MBD1: variants seen among roughly 807,000 people sequenced by gnomAD.
MBD1 encodes methyl-CpG-binding domain protein 1.
Under a neutral mutation model 82.6 loss-of-function variants are expected in MBD1, and 25 were observed. The observed-to-expected ratio is 0.30, with a 90% CI of 0.22 to 0.42. The LOEUF (loss-of-function observed/expected upper bound fraction) is 0.42, where lower values mean the gene tolerates loss of function less well. Ranked by LOEUF, MBD1 falls within the 10% of genes least tolerant of loss-of-function variation. The probability of loss-of-function intolerance (pLI) is 1.00; values close to 1 mark genes in which losing one functional copy is unlikely to be tolerated. For synonymous variants in MBD1, 301 were observed against 303.7 expected, an observed-to-expected ratio of 0.99 and a Z score of 0.09; for missense variants, 627 against 819.6, an observed-to-expected ratio of 0.76 and a Z score of 2.87.
chr18:50,273,769 C>T lies in MBD1; in HGVS notation c.1241G>A (p.Arg414Gln), dbSNP rs779064515. The T allele has an allele frequency of 1.4e-5, 22 of 1,613,968 alleles. No individual in the cohort carries two copies. The highest frequency in any genetic ancestry group is 8.3e-5 in the Admixed American group (5 of 60,010). ...CTTCAAGGTAGGGCCAAGATGGTGC[C>T]GTCGGGCAGAGCTGGGCCTCTTTCG... ...RRRKRPSSAR[R>Q]HHLGPTLKPT... Residue 414 changes from arginine to glutamine, a missense_variant, in exon 12 of 17, where the codon CGG becomes CAG. Physicochemically the swap from Arg to Gln is conservative, Grantham distance 43 (BLOSUM62 1). Around this residue, in one of 6 missense-constraint regions of MBD1, gnomAD observed 265 missense variants for 278.4 expected, o/e 0.95. Transcript: ENST00000269468.
At chr18:50,272,554 T>G (rs1568197154) in intron 15 of MBD1, 123 bp downstream of exon 15, 1 of 1,022,352 alleles carries the variant, frequency 9.8e-7, no homozygotes, top group Non-Finnish European at 1.5e-6. Context: ...GTGACCAGCA[T>G]AGTGGGTATG....
Position 50,276,859 on chromosome 18 carries a change from G to C in MBD1, c.365C>G (p.Thr122Arg). Reference protein sequence around the residue: ...PRDETKADTDTAPASFPAPGC... With the variant: ...PRDETKADTDRAPASFPAPGC... ...AGGAGCAGGGAATGAAGCTGGGGCTGTGTCAGTGTCAGCCTTGGTCTCATC... is the reference window on the plus strand; with the variant it reads ...AGGAGCAGGGAATGAAGCTGGGGCTCTGTCAGTGTCAGCCTTGGTCTCATC... Residue 122 changes from threonine to arginine, a missense_variant, in exon 4 of 17, where the codon ACA (threonine) becomes AGA (arginine). Physicochemically the swap from Thr to Arg is moderately conservative, Grantham distance 71. Transcript: ENST00000269468. The C allele has an allele frequency of 6.2e-7, 1 of 1,614,242 alleles. No homozygotes were observed. Among genetic ancestry groups the C allele is most frequent in the Non-Finnish European group, 8.5e-7 (1 of 1,180,044 alleles).
intron 1 of MBD1, among the ~76,000 whole-genome samples, chr18:50,280,834 T>C (rs557095323): frequency 1.3e-4 from 19 of 151,998 alleles, no homozygotes; most frequent in Non-Finnish European, 7.4e-5. Context: ...ATTCCTCCCT[T>C]ATCATCCAGA....
intron 11 of MBD1, 135 bp downstream of exon 11, chr18:50,274,051 A>G: frequency 7.2e-7 from 1 of 1,388,504 alleles, no homozygotes; most frequent in East Asian, 2.3e-5. Flanking sequence ...TCATTAAGCC[A>G]AGAACAATGT....
Position 50,275,863 on chromosome 18 carries a change from C to T in MBD1, c.635G>A (p.Arg212Gln), listed in dbSNP as rs771836383. 84 of 1,614,086 alleles carry T rather than the reference C, an allele frequency of 5.2e-5. No individual in the cohort carries two copies. Among genetic ancestry groups the T allele is most frequent in the East Asian group, 6.7e-5 (3 of 44,894 alleles). Residue 212 changes from arginine (R) to glutamine (Q), a missense_variant, in exon 7 of 17, where the codon CGG becomes CAG. Arg to Gln is a conservative substitution (Grantham distance 43, BLOSUM62 1). Around this residue, in one of 6 missense-constraint regions of MBD1, gnomAD observed 228 missense variants for 318.1 expected, o/e 0.72. Transcript: ENST00000269468. ...TTCCACAATCCGGAGGCAGCGTCTC[C>T]GTTCACACTTGCAGAACAGCCCCGA... ...VASGLFCKCE[R>Q]RRCLRIVERS... is the part of the protein sequence containing the mutation.
downstream of MBD1, chr18:50,267,772 T>C: frequency 4.1e-6 from 3 of 724,774 alleles, no homozygotes; most frequent in Non-Finnish European, 7.3e-6. Context: ...CAAACTGACA[T>C]ATAATAAGTA....
downstream of MBD1, chr18:50,266,906 T>C (rs2034014368): frequency 1.2e-5 from 2 of 161,254 alleles, no homozygotes; most frequent in African/African-American, 4.8e-5. Context: ...TTCTTTACAA[T>C]TTCCAAGATA....
rs1335330090 is a variant in MBD1, at chr18:50,272,581, C to A, written c.1778+96G>T. On this transcript the variant is annotated intron_variant, in intron 15 of 16. Coordinates refer to ENST00000269468, the MANE Select transcript of MBD1 (RefSeq NM_015846.4). ...GTGGGTATGGGCCTTTACCTCCCAC[C>A]ACACCATGCCAAACTGCCGGCTATA... 6 of 1,393,342 alleles carry A rather than the reference C, an allele frequency of 4.3e-6. No homozygotes were observed. The African/African-American group carries it at 7.1e-5, about 16-fold the overall frequency. The allele number at this position is 1,393,342 out of a possible 1,614,324, so 86.3% of individuals were successfully genotyped here.
chr18:50,277,297 C>CAGCCTGGA (rs1209149391), intron 2 of MBD1, 93 bp from the exon 3 acceptor site: 1 of 1,032,994 alleles, frequency 9.7e-7, no homozygotes. Context: ...ATATAGGAGG[C>CAGCCTGGA]AGCCTGGAAT....
chr18:50,269,773 C>A lies in MBD1; in HGVS notation c.*78G>T. On this transcript the variant is annotated 3_prime_UTR_variant, in exon 17 of 17. Transcript: ENST00000269468. ...TGGGCTCCACTGTGTCCTCGGTCTC[C>A]CACACTTTACATCCATCTTCCCTTC... The A allele has an allele frequency of 1.3e-6, 1 of 783,860 alleles. No homozygotes were observed. Among genetic ancestry groups the A allele is most frequent in the Non-Finnish European group, 2.4e-6 (1 of 420,668 alleles). The allele number at this position is 783,860 out of a possible 1,614,324, so 48.6% of individuals were successfully genotyped here.
rs1178337310 is a variant in MBD1, at chr18:50,281,347, C to T, written c.-26+16G>A. 3.2e-6 allele frequency: 3 copies of T among 947,734 alleles called. No homozygotes were observed. Among genetic ancestry groups the T allele is most frequent in the East Asian group, 2.6e-5 (1 of 38,276 alleles). 58.7% of individuals were successfully genotyped at this position (947,734 alleles called of 1,614,324 possible). A position where few individuals can be genotyped will look rare whatever the true frequency, so the allele number is the denominator to read the frequency against. ...CGCCTGAGCGCTCTCCACGTCCAGC[C>T]CCAAGGCTGTCTCACCAGTTTGGCA... On this transcript the variant is annotated intron_variant, in intron 1 of 16. Coordinates refer to ENST00000269468, the MANE Select transcript of MBD1 (RefSeq NM_015846.4).
chr18:50,277,207 A>G lies in MBD1; in HGVS notation c.111-3T>C. On this transcript the variant is annotated splice_region_variant and splice_polypyrimidine_tract_variant and intron_variant, in intron 2 of 16. Transcript: ENST00000269468. ...TTCGGATCCTGTCTCCTGTGGGGCT[A>G]GGGATGGGCCATGATGGGTTAGCAC... is the stretch of plus-strand genomic sequence containing the variant. The G allele has an allele frequency of 6.2e-7, 1 of 1,610,518 alleles. No homozygotes were observed. The highest frequency in any genetic ancestry group is 2.2e-5 in the East Asian group (1 of 44,860).
At position 50,271,514 on chromosome 18, in the gene MBD1, G is replaced by A. The variant is rs766856646; in HGVS notation, c.1805C>T (p.Ala602Val). The change falls in exon 16 of 17, where the codon GCT becomes GTT. Residue 602 changes from alanine to valine, a missense_variant. Physicochemically the swap from Ala to Val is moderately conservative, Grantham distance 64. This residue lies in a region of MBD1 where 265 missense variants were observed against 278.4 expected (regional missense o/e 0.95). Transcript: ENST00000269468. ...GAAGCCTCCAGTCTACTGCTTTCTAGCTCCAGGTTTTTTAAGGTCTTTGGA... is the reference window on the plus strand; with the variant it reads ...GAAGCCTCCAGTCTACTGCTTTCTAACTCCAGGTTTTTTAAGGTCTTTGGA... ...PRSKDLKKPG[A>V]RKQ is the part of the protein sequence containing the mutation. 6.2e-7 allele frequency: 1 copy of A among 1,614,160 alleles called. No homozygotes were observed. Among genetic ancestry groups the A allele is most frequent in the Non-Finnish European group, 8.5e-7 (1 of 1,180,024 alleles).
At position 50,275,138 on chromosome 18, in the gene MBD1, G is replaced by A; in HGVS notation, c.900C>T (p.Pro300=). 1 of 1,614,026 alleles carries A rather than the reference G, an allele frequency of 6.2e-7. No homozygotes were observed. The highest frequency in any genetic ancestry group is 2.2e-5 in the East Asian group (1 of 44,872). The part of the protein sequence containing the change: ...PPPPPSQSPE[P]TEPHPRALAP... ...CCCACTGGGGCCTCACCGGCTCTGT[G>A]GGCTCTGGGGACTGTGATGGGGGTG... Residue 300 remains proline (P), a synonymous_variant, in exon 9 of 17, where the codon CCC becomes CCT. Coordinates refer to ENST00000269468, the MANE Select transcript of MBD1 (RefSeq NM_015846.4).
chr18:50,267,620 G>T (rs1005573525), downstream of MBD1: 1 of 1,535,894 alleles, frequency 6.5e-7, no homozygotes, highest in African/African-American at 1.4e-5. Flanking sequence ...CAGCACAGGT[G>T]GTAACCACAG....
intron 2 of MBD1, among the ~76,000 whole-genome samples, chr18:50,278,287 G>C (rs1346125025): frequency 6.6e-6 from 1 of 152,190 alleles, no homozygotes; most frequent in African/African-American, 2.4e-5. Context: ...TTGGATGGTG[G>C]TTGACTGTAG....
At chr18:50,267,604 G>C (rs190350453), downstream of MBD1, 1,302 of 1,535,202 alleles carry the variant, frequency 8.5e-4, 2 homozygotes, top group Admixed American at 2.1e-3. Context: ...AACCAGGACG[G>C]ACCTGCAGCA....
In MBD1 at chr18:50,271,595, G is replaced by A. The variant is rs377343981; in HGVS notation, c.1779-55C>T. 3.6e-4 allele frequency: 573 copies of A among 1,595,556 alleles called. 9 individuals carry two copies. In the South Asian group the frequency reaches 6.1e-3, roughly 17 times the overall value. ...GAATGAGGTTTGCTATGTGCGCAAT[G>A]GAGCATTACAAAACCATTTCCTACT... On this transcript the variant is annotated intron_variant, in intron 15 of 16. Transcript: ENST00000269468.
Position 50,273,641 on chromosome 18 carries a change from C to T in MBD1, c.1369G>A (p.Val457Met). Reference sequence around the variant, plus strand: ...CTGCTTGCGCCTTCCCGTAAAAACACAAGGTCAGTGCCAGGCGGGGGCAGC... The same window carrying T: ...CTGCTTGCGCCTTCCCGTAAAAACATAAGGTCAGTGCCAGGCGGGGGCAGC... The part of the protein sequence containing the change: ...FVLPPPGTDL[V>M]FLREGASSPV... Residue 457 changes from valine to methionine, a missense_variant, in exon 12 of 17, where the codon GTG becomes ATG. This residue lies in a region of MBD1 where 265 missense variants were observed against 278.4 expected (regional missense o/e 0.95). Transcript: ENST00000269468. 1 of 1,613,908 alleles carries T rather than the reference C, an allele frequency of 6.2e-7. No homozygotes were observed. The highest frequency in any genetic ancestry group is 8.5e-7 in the Non-Finnish European group (1 of 1,180,026).
Sources: gnomAD v4.1 joint callset for allele counts (sites outside exome capture counted in the v4.1 genomes callset) on GRCh38, gnomAD v4.1.1 for gene constraint, gnomAD v4.1.1 regional missense constraint, MANE v1.5 for transcripts, NCBI Gene and HGNC (gene_info 2026-07-23, HGNC 2026-07-21) for gene names.